MAML2: variants seen among roughly 807,000 people sequenced by gnomAD.
MAML2 encodes the protein mastermind-like protein 2.
In MAML2, 22 loss-of-function variants were observed where a neutral mutation model predicts 96.1. The ratio of observed to expected loss-of-function variants is 0.23; its 90% confidence interval spans 0.16 to 0.33. The LOEUF is 0.33. Among genes scored for constraint, MAML2 ranks in the 10% least tolerant of loss-of-function variants. MAML2 has a pLI of 1.00. For synonymous variants in MAML2, 561 were observed against 521.3 expected (o/e 1.08, Z -1.04); for missense variants, 1,367 against 1,392.4 (o/e 0.98, Z 0.29).
In MAML2 at chr11:95,998,782, G is replaced by T. The variant is rs527661515; in HGVS notation, c.2140-7059C>A. ...TGAGGCAAATAAAACATGCTCACAA[G>T]TTAAGTAAGCTCACAAGGAAGCTGG... On this transcript the variant is annotated intron_variant, in intron 2 of 4. Transcript: ENST00000524717. Among the ~76,000 whole-genome samples the T allele has an allele frequency of 2.0e-5, 3 of 152,264 alleles. No homozygotes were observed. In the East Asian group the frequency reaches 5.8e-4, roughly 29 times the overall value.
At chr11:96,083,425 C>T (rs1185046127) in intron 2 of MAML2, among the ~76,000 whole-genome samples, 3 of 152,144 alleles carry the variant, frequency 2.0e-5, no homozygotes, top group African/African-American at 7.2e-5. Context: ...CCAGTCCAGC[C>T]CCCATCAATA....
chr11:96,074,775 C>A (rs1348133928), intron 2 of MAML2, among the ~76,000 whole-genome samples: 1 of 152,176 alleles, frequency 6.6e-6, no homozygotes, highest in Non-Finnish European at 1.5e-5. Context: ...TCTGAGATTT[C>A]GAGTTATCTT....
chr11:96,260,256 G>A (rs1316002607), intron 1 of MAML2, among the ~76,000 whole-genome samples: 1 of 152,114 alleles, frequency 6.6e-6, no homozygotes, highest in Non-Finnish European at 1.5e-5. Context: ...GAAAAAAGAA[G>A]AATGTCTGAA....
chr11:96,259,968 A>G (rs570982143), intron 1 of MAML2, among the ~76,000 whole-genome samples: 2 of 150,318 alleles, frequency 1.3e-5, no homozygotes, highest in South Asian at 2.1e-4. Flanking sequence ...AAACATCAGT[A>G]TGTCCTGTTC....
chr11:96,118,106 T>C (rs559847134), intron 1 of MAML2, among the ~76,000 whole-genome samples: 1 of 152,348 alleles, frequency 6.6e-6, no homozygotes, highest in East Asian at 1.9e-4. Flanking sequence ...GCACATCATC[T>C]GGTAGAGGAA....
At chr11:96,267,564 G>A (rs183734432) in intron 1 of MAML2, among the ~76,000 whole-genome samples, 2 of 152,350 alleles carry the variant, frequency 1.3e-5, no homozygotes, top group Non-Finnish European at 2.9e-5. Flanking sequence ...CGCACATGGT[G>A]CTGATTTTCA....
At chr11:96,200,222 C>A (rs1231569667) in intron 1 of MAML2, among the ~76,000 whole-genome samples, 1 of 152,142 alleles carries the variant, frequency 6.6e-6, no homozygotes, top group African/African-American at 2.4e-5. Context: ...CACAATTAGT[C>A]TCTCTGTATA....
At chr11:96,053,992 G>T (rs1182720815) in intron 2 of MAML2, among the ~76,000 whole-genome samples, 1 of 152,138 alleles carries the variant, frequency 6.6e-6, no homozygotes, top group East Asian at 1.9e-4. Flanking sequence ...AGAAATATAT[G>T]GAGTTTGTTT....
intron 1 of MAML2, among the ~76,000 whole-genome samples, chr11:96,184,244 C>T (rs905252840): frequency 6.6e-6 from 1 of 152,126 alleles, no homozygotes; most frequent in East Asian, 1.9e-4. Flanking sequence ...AGTTCGAGAC[C>T]AGCCTGACCA....
At chr11:96,009,139 C>A (rs1175401822) in intron 2 of MAML2, among the ~76,000 whole-genome samples, 1 of 152,068 alleles carries the variant, frequency 6.6e-6, no homozygotes, top group East Asian at 1.9e-4. Context: ...ATTGACTAGC[C>A]ATATAGGTCA....
intron 2 of MAML2, among the ~76,000 whole-genome samples, chr11:96,017,555 C>A (rs1266186099): frequency 6.6e-6 from 1 of 152,060 alleles, no homozygotes. Context: ...GACATTTTAA[C>A]AAATAATATA....
intron 1 of MAML2, among the ~76,000 whole-genome samples, chr11:96,239,627 A>G (rs535494042): frequency 6.6e-6 from 1 of 152,260 alleles, no homozygotes; most frequent in East Asian, 1.9e-4. Context: ...AAGTAGAAAG[A>G]AACCTTGGTT....
intron 1 of MAML2, among the ~76,000 whole-genome samples, chr11:96,304,449 C>T (rs375130286): frequency 6.6e-6 from 1 of 152,150 alleles, no homozygotes; most frequent in African/African-American, 2.4e-5. Context: ...GGATGAGAGG[C>T]CAGTTTGGAA....
At chr11:96,167,508 C>T (rs1345934275) in intron 1 of MAML2, among the ~76,000 whole-genome samples, 1 of 152,206 alleles carries the variant, frequency 6.6e-6, no homozygotes, top group African/African-American at 2.4e-5. Context: ...AGCAGAAGAT[C>T]TTTCACTCTC....
chr11:96,087,448 T>C (rs1859635655), intron 2 of MAML2, among the ~76,000 whole-genome samples: 1 of 152,184 alleles, frequency 6.6e-6, no homozygotes, highest in South Asian at 2.1e-4. Context: ...CAACCCACAG[T>C]ATGTCTGTAT....
chr11:96,253,509 G>T (rs1862615657), intron 1 of MAML2, among the ~76,000 whole-genome samples: 1 of 152,188 alleles, frequency 6.6e-6, no homozygotes, highest in African/African-American at 2.4e-5. Context: ...TTACGAAGCA[G>T]CTAATGTTGT....
intron 1 of MAML2, among the ~76,000 whole-genome samples, chr11:96,337,585 T>A (rs953426898): frequency 6.6e-5 from 10 of 152,204 alleles, no homozygotes; most frequent in Non-Finnish European, 1.5e-4. Context: ...TTTCATAGCA[T>A]TGCACTAGGA....
intron 1 of MAML2, among the ~76,000 whole-genome samples, chr11:96,314,262 C>A (rs555319379): frequency 6.6e-6 from 1 of 152,314 alleles, no homozygotes; most frequent in African/African-American, 2.4e-5. Context: ...TGGCCTGTGC[C>A]CCCTGAGCTA....
intron 1 of MAML2, among the ~76,000 whole-genome samples, chr11:96,169,819 T>A (rs1488578349): frequency 6.6e-6 from 1 of 152,198 alleles, no homozygotes; most frequent in African/African-American, 2.4e-5. Flanking sequence ...CATGCCCAGA[T>A]AATTTTTGTA....
Sources: allele counts gnomAD v4.1 joint callset (sites outside exome capture counted in the v4.1 genomes callset), GRCh38; gene constraint gnomAD v4.1.1; transcripts MANE v1.5; gene names NCBI Gene and HGNC (gene_info 2026-07-23, HGNC 2026-07-21).